SGK1: variants seen among roughly 807,000 people sequenced by gnomAD.
SGK1 encodes the protein serum/glucocorticoid regulated kinase 1, also known as serine/threonine-protein kinase Sgk1.
SGK1 carries 26 observed loss-of-function variants against 64.2 expected under a neutral mutation model. That is an observed-to-expected ratio of 0.40 (90% CI 0.30 to 0.56). SGK1 has a LOEUF of 0.56. Ranked by LOEUF, SGK1 falls within the 20% of genes least tolerant of loss-of-function variation. The pLI, the probability that SGK1 is intolerant of heterozygous loss-of-function variation, is 0.38. For missense variants in SGK1, 519 were observed against 645.6 expected (o/e 0.80, Z 2.12); for synonymous variants, 265 against 239.7 (o/e 1.11, Z -0.98).
At chr6:134,223,107 G>A (rs180739456) in intron 2 of SGK1, among the ~76,000 whole-genome samples, 5 of 152,254 alleles carry the variant, frequency 3.3e-5, no homozygotes, top group Admixed American at 6.5e-5. Context: ...AGTGGCTCAC[G>A]CCTGTAATCC....
In SGK1 at chr6:134,317,452, G is replaced by A; in HGVS notation, c.9C>T (p.Asn3=). The A allele has an allele frequency of 1.9e-6, 3 of 1,608,096 alleles. No individual in the cohort carries two copies. The highest frequency in any genetic ancestry group is 2.6e-6 in the Non-Finnish European group (3 of 1,174,446). The change falls in exon 1 of 14, where the codon AAC becomes AAT. Residue 3 remains asparagine, a synonymous_variant. Transcript: ENST00000367858. ...TGACTGGGAATCCATTCATGTCTTT[G>A]TTTACCATTTTCCACCGTGGGGAAT... MV[N]KDMNGFPVKK... is the part of the protein sequence containing the mutation.
intron 3 of SGK1, among the ~76,000 whole-genome samples, chr6:134,193,531 C>T (rs1775547828): frequency 6.6e-6 from 1 of 151,770 alleles, no homozygotes; most frequent in Admixed American, 6.6e-5. Context: ...TTTTCTAGCC[C>T]CACTTCCAGT....
chr6:134,210,979 G>T (rs1775880274), intron 2 of SGK1, among the ~76,000 whole-genome samples: 1 of 151,916 alleles, frequency 6.6e-6, no homozygotes, highest in African/African-American at 2.4e-5. Context: ...ACAAAAATTA[G>T]CCAGGTGTGG....
chr6:134,208,929 G>A (rs370688229), intron 2 of SGK1, among the ~76,000 whole-genome samples: 22 of 148,176 alleles, frequency 1.5e-4, no homozygotes, highest in East Asian at 1.4e-3. Context: ...TGTTTTTTTC[G>A]TATATGATTT....
chr6:134,264,652 G>A (rs57632284), intron 1 of SGK1, among the ~76,000 whole-genome samples: 9 of 150,796 alleles, frequency 6.0e-5, no homozygotes, highest in African/African-American at 1.7e-4. Context: ...TATTTTTGTT[G>A]TTGTTGTTGT....
At chr6:134,211,168 T>C (rs1775883634) in intron 2 of SGK1, among the ~76,000 whole-genome samples, 1 of 152,134 alleles carries the variant, frequency 6.6e-6, no homozygotes, top group Non-Finnish European at 1.5e-5. Flanking sequence ...ATGTTATGTG[T>C]TCTTTCCACA....
intron 1 of SGK1, among the ~76,000 whole-genome samples, chr6:134,308,143 A>AT (rs34678685): frequency 6.6e-6 from 1 of 151,890 alleles, no homozygotes; most frequent in African/African-American, 2.4e-5. Context: ...TTTTCCTGTA[A>AT]TTTTTTTTAC....
intron 2 of SGK1, among the ~76,000 whole-genome samples, chr6:134,217,512 C>A (rs1158151045): frequency 1.3e-5 from 2 of 152,258 alleles, no homozygotes; most frequent in East Asian, 1.9e-4. Flanking sequence ...GTTTCTCATG[C>A]CTTTGTCCCT....
intron 3 of SGK1, among the ~76,000 whole-genome samples, chr6:134,185,551 T>C (rs1562243947): frequency 2.3e-5 from 3 of 130,284 alleles, no homozygotes; most frequent in Non-Finnish European, 3.2e-5. Context: ...TTCATATCTC[T>C]ATGAGTGTGT....
intron 3 of SGK1, among the ~76,000 whole-genome samples, chr6:134,191,041 C>T (rs898075756): frequency 2.0e-5 from 3 of 152,150 alleles, no homozygotes; most frequent in African/African-American, 7.2e-5. Context: ...TGGGTAAAAG[C>T]ATGTGGCTTT....
chr6:134,305,262 G>A (rs959122677), intron 1 of SGK1, among the ~76,000 whole-genome samples: 9 of 150,618 alleles, frequency 6.0e-5, no homozygotes, highest in Non-Finnish European at 1.0e-4. Flanking sequence ...TGGAGGCTGA[G>A]GCACAAGAAT....
chr6:134,272,356 G>A (rs1405920326), intron 1 of SGK1, among the ~76,000 whole-genome samples: 1 of 127,908 alleles, frequency 7.8e-6, no homozygotes, highest in African/African-American at 2.8e-5. Context: ...GTTTCACCAT[G>A]TTGACCAGGC....
At chr6:134,307,576 A>C (rs1167980002) in intron 1 of SGK1, among the ~76,000 whole-genome samples, 1 of 152,168 alleles carries the variant, frequency 6.6e-6, no homozygotes, top group African/African-American at 2.4e-5. Context: ...ATTTAAAATG[A>C]TCTCTAGATT....
chr6:134,309,718 T>G (rs1053938197), intron 1 of SGK1, among the ~76,000 whole-genome samples: 4 of 152,178 alleles, frequency 2.6e-5, no homozygotes, highest in African/African-American at 9.7e-5. Flanking sequence ...CATCCCCAGG[T>G]TGGTGAGGAG....
intron 2 of SGK1, among the ~76,000 whole-genome samples, chr6:134,243,862 T>TAAATATAGATAG (rs1776485445): frequency 6.6e-6 from 1 of 152,180 alleles, no homozygotes; most frequent in Non-Finnish European, 1.5e-5. Flanking sequence ...TTTATCTATA[T>TAAATATAGATAG]AGATGGAGAA....
At chr6:134,306,370 C>T (rs1777535148) in intron 1 of SGK1, among the ~76,000 whole-genome samples, 1 of 151,894 alleles carries the variant, frequency 6.6e-6, no homozygotes, top group East Asian at 2.0e-4. Flanking sequence ...TTGCAGTGAG[C>T]CAAGATCGCA....
chr6:134,285,383 A>G (rs9483673), intron 1 of SGK1, among the ~76,000 whole-genome samples: 1 of 151,274 alleles, frequency 6.6e-6, no homozygotes, highest in East Asian at 1.9e-4. Flanking sequence ...GAGGCTGAGG[A>G]AGGAAAATCA....
intron 1 of SGK1, among the ~76,000 whole-genome samples, chr6:134,279,374 T>C (rs1048521966): frequency 2.0e-5 from 3 of 151,972 alleles, no homozygotes; most frequent in African/African-American, 7.3e-5. Context: ...GAGATTGCAG[T>C]GAGCTGAGAT....
rs575193147 is a variant in SGK1 at position 134,253,404 on chromosome 6, G to T, written c.285+8529C>A. Among the ~76,000 whole-genome samples, 209 of 151,986 alleles carry T rather than the reference G, an allele frequency of 1.4e-3. 1 individual carries two copies. The highest frequency in any genetic ancestry group is 4.9e-3 in the African/African-American group (202 of 41,462). ...CGCCTCTTGCCTCCCTGAGAGCTGG[G>T]ATTACAGACATGAGCCACCGCGCCC... On this transcript the variant is annotated intron_variant, in intron 2 of 13. Coordinates refer to ENST00000367858, the MANE Select transcript of SGK1 (RefSeq NM_001143676.3).
Sources: gnomAD v4.1 joint callset for allele counts (sites outside exome capture counted in the v4.1 genomes callset) on GRCh38, gnomAD v4.1.1 for gene constraint, MANE v1.5 for transcripts, NCBI Gene and HGNC (gene_info 2026-07-23, HGNC 2026-07-21) for gene names.